Variants in KHDRBS2 observed in about 807,000 individuals in gnomAD.
The protein encoded by KHDRBS2 is KH RNA binding domain containing, signal transduction associated 2.
In KHDRBS2, 26 loss-of-function variants were observed where a neutral mutation model predicts 44.3. The ratio of observed to expected loss-of-function variants is 0.59; its 90% CI spans 0.43 to 0.81. The LOEUF (loss-of-function observed/expected upper bound fraction) is 0.81, where lower values mean the gene tolerates loss of function less well. Ranked by LOEUF, KHDRBS2 falls within the 40% of genes least tolerant of loss-of-function variation. The pLI, the probability that KHDRBS2 is intolerant of heterozygous loss-of-function variation, is 0.00. For missense variants in KHDRBS2, 476 were observed against 433.1 expected, an observed-to-expected ratio of 1.10 and a Z score of -0.88; for synonymous variants, 194 against 151.1, an observed-to-expected ratio of 1.28 and a Z score of -2.08.
rs566132505 is a variant in KHDRBS2 at position 61,876,544 on chromosome 6, G to A, written c.810+18091C>T. ...TCCAAGCTCATTTATCATTTAGCAA[G>A]ACACTCATCTGCCTGGTGCCTTCAT... On this transcript the variant is annotated intron_variant, in intron 6 of 8. Transcript: ENST00000281156. Among the ~76,000 whole-genome samples, 6 of 152,132 alleles carry A rather than the reference G, an allele frequency of 3.9e-5. No individual in the cohort carries two copies. The East Asian group carries it at 9.7e-4, about 25-fold the overall frequency.
At chr6:62,107,507 G>A (rs1334501801) in intron 2 of KHDRBS2, among the ~76,000 whole-genome samples, 1 of 152,146 alleles carries the variant, frequency 6.6e-6, no homozygotes, top group African/African-American at 2.4e-5. Flanking sequence ...TCGTGAAAAT[G>A]GCCATACTGC....
Position 61,967,012 on chromosome 6 carries a change from A to T in KHDRBS2, c.483+11054T>A, listed in dbSNP as rs549983582. Among the ~76,000 whole-genome samples the T allele has an allele frequency of 1.5e-4, 23 of 152,084 alleles. No individual in the cohort carries two copies. The East Asian group carries it at 4.1e-3, about 27-fold the overall frequency. ...ATGAATGGGATAGTTTTATACACTG[A>T]GATCTACAAAAATTATGTATATTTT... On this transcript the variant is annotated intron_variant, in intron 4 of 8. Coordinates refer to ENST00000281156, the MANE Select transcript of KHDRBS2 (RefSeq NM_152688.4).
intron 2 of KHDRBS2, among the ~76,000 whole-genome samples, chr6:62,088,121 C>T (rs763219363): frequency 6.6e-6 from 1 of 152,114 alleles, no homozygotes; most frequent in Non-Finnish European, 1.5e-5. Flanking sequence ...TCTTAGCTTC[C>T]TTGCATTGGG....
chr6:62,130,956 C>T (rs1430514231), intron 2 of KHDRBS2, among the ~76,000 whole-genome samples: 5 of 151,942 alleles, frequency 3.3e-5, no homozygotes, highest in Non-Finnish European at 7.4e-5. Context: ...TAAGTCAAAC[C>T]ATTGCAAGTT....
At chr6:62,033,983 C>G (rs778605379) in intron 3 of KHDRBS2, among the ~76,000 whole-genome samples, 8 of 151,374 alleles carry the variant, frequency 5.3e-5, no homozygotes, top group Non-Finnish European at 1.0e-4. Context: ...AAAAAGGAGA[C>G]ATTACAACTG....
intron 6 of KHDRBS2, among the ~76,000 whole-genome samples, chr6:61,768,182 G>C (rs1303501694): frequency 6.6e-6 from 1 of 152,052 alleles, no homozygotes; most frequent in African/African-American, 2.4e-5. Context: ...GGCCTGTAAG[G>C]TTTCCACTGA....
chr6:62,079,434 A>T (rs943297354), intron 2 of KHDRBS2, among the ~76,000 whole-genome samples: 12 of 152,154 alleles, frequency 7.9e-5, no homozygotes, highest in East Asian at 1.9e-4. Flanking sequence ...AACAATAATT[A>T]AAAAAATTAA....
intron 3 of KHDRBS2, among the ~76,000 whole-genome samples, chr6:62,044,160 G>A (rs1484322120): frequency 6.6e-6 from 1 of 151,756 alleles, no homozygotes; most frequent in Non-Finnish European, 1.5e-5. Flanking sequence ...TATGTCTTAT[G>A]TCCAGCCTCC....
chr6:62,060,629 C>CTATATATA (rs1283821361), intron 2 of KHDRBS2, among the ~76,000 whole-genome samples: 1 of 148,678 alleles, frequency 6.7e-6, no homozygotes, highest in African/African-American at 2.5e-5. Context: ...CTCTCTCTCT[C>CTATATATA]TCTCTATATA....
At chr6:62,255,605 AACACACACAC>A (rs60498757) in intron 1 of KHDRBS2, among the ~76,000 whole-genome samples, 15,241 of 137,402 alleles carry the variant, frequency 0.11, 890 homozygotes, top group East Asian at 0.24. Context: ...CATGCTTTAA[AACACACACAC>A]ACACACACAC....
intron 7 of KHDRBS2, among the ~76,000 whole-genome samples, chr6:61,727,116 C>T (rs994034182): frequency 2.0e-5 from 3 of 151,982 alleles, no homozygotes; most frequent in African/African-American, 7.2e-5. Flanking sequence ...AGAAATAAGA[C>T]CACACACCTA....
chr6:61,991,348 A>G (rs1443892008), intron 3 of KHDRBS2, among the ~76,000 whole-genome samples: 2 of 152,198 alleles, frequency 1.3e-5, no homozygotes, highest in African/African-American at 4.8e-5. Flanking sequence ...TTTATGTAGC[A>G]CGCTGAGTCT....
chr6:61,755,073 A>G (rs1040201794), intron 6 of KHDRBS2, among the ~76,000 whole-genome samples: 5 of 152,188 alleles, frequency 3.3e-5, no homozygotes, highest in African/African-American at 1.2e-4. Flanking sequence ...TGCAAAGGTT[A>G]CTTTCAGGCA....
intron 4 of KHDRBS2, among the ~76,000 whole-genome samples, chr6:61,954,917 T>C (rs1257925401): frequency 1.6e-5 from 2 of 122,658 alleles, no homozygotes; most frequent in African/African-American, 5.3e-5. Context: ...TGCATACATA[T>C]ATATGTATAC....
chr6:61,772,985 T>G (rs4432968), intron 6 of KHDRBS2, among the ~76,000 whole-genome samples: 97,344 of 151,926 alleles, frequency 0.64, 31,902 homozygotes, highest in African/African-American at 0.79. Context: ...ATTTTTTATG[T>G]CTGCATAGTA....
At chr6:61,847,579 T>C (rs1422296852) in intron 6 of KHDRBS2, among the ~76,000 whole-genome samples, 3 of 152,226 alleles carry the variant, frequency 2.0e-5, no homozygotes, top group Non-Finnish European at 4.4e-5. Flanking sequence ...GGCTATTGTT[T>C]ATGTTCGAAA....
At chr6:62,222,072 T>C (rs563422101) in intron 1 of KHDRBS2, among the ~76,000 whole-genome samples, 1 of 152,106 alleles carries the variant, frequency 6.6e-6, no homozygotes, top group Non-Finnish European at 1.5e-5. Context: ...ACCAAAGATA[T>C]GATATTGAAA....
chr6:61,587,625 T>A, the KHDRBS2 span, among the ~76,000 whole-genome samples: 15 of 152,142 alleles, frequency 9.9e-5, no homozygotes, highest in African/African-American at 3.6e-4. Flanking sequence ...ACTGTACTAG[T>A]ACTAGTTTTG....
intron 1 of KHDRBS2, among the ~76,000 whole-genome samples, chr6:62,253,374 G>T (rs1836855477): frequency 6.6e-6 from 1 of 151,874 alleles, no homozygotes; most frequent in Admixed American, 6.6e-5. Context: ...CCCCTGAAAA[G>T]GGCTAGTTGA....
Sources: allele counts gnomAD v4.1 joint callset (sites outside exome capture counted in the v4.1 genomes callset), GRCh38; gene constraint gnomAD v4.1.1; transcripts MANE v1.5; gene names NCBI Gene and HGNC (gene_info 2026-07-23, HGNC 2026-07-21).